Variants in ADGRE3 observed in about 807,000 individuals in gnomAD.
The protein encoded by ADGRE3 is EGF-like module receptor 3.
ADGRE3 carries 88 observed loss-of-function variants against 80.1 expected under a neutral mutation model. The observed-to-expected ratio is 1.10, with a 90% confidence interval of 0.93 to 1.31. ADGRE3 has a LOEUF of 1.31. ADGRE3 is among the 40% of genes most tolerant of loss of function. ADGRE3 has a pLI of 0.00. For synonymous variants in ADGRE3, 281 were observed against 294.8 expected, an observed-to-expected ratio of 0.95 and a Z score of 0.48; for missense variants, 715 against 776.5, an observed-to-expected ratio of 0.92 and a Z score of 0.94.
intron 10 of ADGRE3, 29 bp from the exon 11 acceptor site, chr19:14,638,369 G>T (rs551832597): frequency 1.3e-6 from 2 of 1,562,842 alleles, no homozygotes; most frequent in South Asian, 2.2e-5. Context: ...ATGCCTGAAG[G>T]GGTTGTCAGG....
At chr19:14,641,304 A>G (rs1971240173) in intron 10 of ADGRE3, 115 bp downstream of exon 10, 1 of 1,285,902 alleles carries the variant, frequency 7.8e-7, no homozygotes, top group Admixed American at 2.1e-5. Flanking sequence ...GGAAAATTAT[A>G]TTTTTCTCCT....
Position 14,640,889 on chromosome 19 carries a change from T to C in ADGRE3, c.1248+530A>G, listed in dbSNP as rs936525667. ...GCAGCCACCATGTAAGAAGTGCCTT[T>C]CGCCTCCCGCCATGATTCTGAGGCC... is the stretch of plus-strand genomic sequence containing the variant. On this transcript the variant is annotated intron_variant, in intron 10 of 15. Coordinates refer to ENST00000253673, the MANE Select transcript of ADGRE3 (RefSeq NM_032571.5). Among the ~76,000 whole-genome samples the C allele has an allele frequency of 3.7e-4, 57 of 152,298 alleles. 1 individual carries two copies. Among genetic ancestry groups the C allele is most frequent in the Admixed American group, 3.2e-3 (49 of 15,290 alleles).
chr19:14,620,451 T>TATATGAATATATGAATATATTATGAGTAC (rs1487664688), intron 15 of ADGRE3, among the ~76,000 whole-genome samples: 1 of 128,736 alleles, frequency 7.8e-6, no homozygotes, highest in East Asian at 2.0e-4. Context: ...TATTCATGTA[T>TATATGAATATATGAATATATTATGAGTAC]ATATGAATAT....
At chr19:14,625,669 C>T in intron 14 of ADGRE3, 70 bp from the exon 15 acceptor site, 1 of 884,774 alleles carries the variant, frequency 1.1e-6, no homozygotes, top group Non-Finnish European at 1.9e-6. Flanking sequence ...GTCGGTGAGT[C>T]AGGAAGAGGA....
intron 5 of ADGRE3, among the ~76,000 whole-genome samples, chr19:14,658,182 T>C (rs1227588774): frequency 6.6e-6 from 1 of 152,028 alleles, no homozygotes; most frequent in Non-Finnish European, 1.5e-5. Context: ...TATAGTGAGC[T>C]GGATAATGAT....
At chr19:14,670,687 C>T (rs1370027054) in intron 1 of ADGRE3, among the ~76,000 whole-genome samples, 3 of 152,176 alleles carry the variant, frequency 2.0e-5, no homozygotes, top group Non-Finnish European at 2.9e-5. Flanking sequence ...TCTGTCACTT[C>T]AGCTTTGCAA....
intron 1 of ADGRE3, among the ~76,000 whole-genome samples, chr19:14,670,607 G>A (rs773995243): frequency 6.6e-6 from 1 of 152,160 alleles, no homozygotes; most frequent in African/African-American, 2.4e-5. Flanking sequence ...TCCAACATCC[G>A]ATGATGTCAT....
intron 7 of ADGRE3, among the ~76,000 whole-genome samples, chr19:14,648,725 G>A (rs181451165): frequency 1.3e-5 from 2 of 152,206 alleles, no homozygotes; most frequent in African/African-American, 4.8e-5. Context: ...TCAGTTGAAG[G>A]CCTCAAGAGA....
chr19:14,667,137 G>T (rs1421295013), intron 2 of ADGRE3, among the ~76,000 whole-genome samples: 2 of 152,140 alleles, frequency 1.3e-5, no homozygotes, highest in South Asian at 2.1e-4. Flanking sequence ...TCTGGGAATG[G>T]GACTTGCTGT....
chr19:14,620,438 G>GTATATTCATGTATATATGAATATATATA (rs1970516620), intron 15 of ADGRE3, among the ~76,000 whole-genome samples: 1 of 124,006 alleles, frequency 8.1e-6, no homozygotes, highest in African/African-American at 3.1e-5. Flanking sequence ...GAATATATAT[G>GTATATTCATGTATATATGAATATATATA]TATATTCATG....
intron 11 of ADGRE3, among the ~76,000 whole-genome samples, chr19:14,634,516 T>C (rs565134323): frequency 9.1e-4 from 139 of 152,262 alleles, no homozygotes; most frequent in African/African-American, 3.0e-3. Context: ...GAATTTAAGC[T>C]TTTTAGTAAC....
At chr19:14,620,472 T>TA in intron 15 of ADGRE3, among the ~76,000 whole-genome samples, 1 of 123,250 alleles carries the variant, frequency 8.1e-6, no homozygotes, top group Non-Finnish European at 1.7e-5. Flanking sequence ...ATGAATATAT[T>TA]ATGAGTACAT....
At chr19:14,611,283 A>G in the ADGRE3 span, 4 of 151,698 alleles carry the variant, frequency 2.6e-5, no homozygotes, top group African/African-American at 9.7e-5. Flanking sequence ...TTGACCAGCA[A>G]CTTTCTCAAT....
rs185645869 is a variant in ADGRE3 at position 14,623,367 on chromosome 19, G to A, written c.1920+2125C>T. On this transcript the variant is annotated intron_variant, in intron 15 of 15. Transcript: ENST00000253673. ...CCACCTTGGCCTCCCAAAGTGTTGG[G>A]ATTACAGGTGTGAGCCACCATGCCC... 3.6e-3 allele frequency among the ~76,000 whole-genome samples: 549 copies of A among 151,666 alleles called. 10 individuals carry two copies. Among genetic ancestry groups the A allele is most frequent in the Admixed American group, 0.034 (512 of 15,072 alleles).
At chr19:14,608,059 A>G in the ADGRE3 span, among the ~76,000 whole-genome samples, 4 of 152,018 alleles carry the variant, frequency 2.6e-5, no homozygotes, top group South Asian at 6.2e-4. Flanking sequence ...TTTAGTAGAG[A>G]TGGGGTTTTA....
intron 1 of ADGRE3, among the ~76,000 whole-genome samples, chr19:14,670,433 A>T (rs939560415): frequency 2.6e-5 from 4 of 152,228 alleles, no homozygotes; most frequent in African/African-American, 9.7e-5. Flanking sequence ...GCTCATTCAG[A>T]TTCAAGTGGA....
At chr19:14,611,380 T>C in the ADGRE3 span, among the ~76,000 whole-genome samples, 1 of 147,274 alleles carries the variant, frequency 6.8e-6, no homozygotes, top group East Asian at 2.0e-4. Flanking sequence ...CCTTTTTTTT[T>C]TTTTTTTTTT....
chr19:14,644,028 T>A (rs975991524), intron 9 of ADGRE3, 80 bp downstream of exon 9: 1 of 988,702 alleles, frequency 1.0e-6, no homozygotes, highest in African/African-American at 1.7e-5. Flanking sequence ...AGTTTTTTTT[T>A]TTTTTTTTAA....
chr19:14,668,792 G>T lies in ADGRE3; in HGVS notation c.76+10C>A. ...TCCACAAGTTCTCTGTTCTGGCTCT[G>T]AGCACTCACTTTTGGTTTTCTGAGT... On this transcript the variant is annotated intron_variant, in intron 2 of 15. Coordinates refer to ENST00000253673, the MANE Select transcript of ADGRE3 (RefSeq NM_032571.5). 3 of 1,613,514 alleles carry T rather than the reference G, an allele frequency of 1.9e-6. No homozygotes were observed. Among genetic ancestry groups the T allele is most frequent in the Non-Finnish European group, 2.5e-6 (3 of 1,179,546 alleles).
Sources: allele counts gnomAD v4.1 joint callset (sites outside exome capture counted in the v4.1 genomes callset), GRCh38; gene constraint gnomAD v4.1.1; transcripts MANE v1.5; gene names NCBI Gene and HGNC (gene_info 2026-07-23, HGNC 2026-07-21).